The following TGFBR1 variants were observed in gnomAD, a reference collection of about 807,000 sequenced individuals.
TGFBR1 encodes transforming growth factor beta receptor 1.
Under a neutral mutation model 55.1 loss-of-function variants are expected in TGFBR1, and 20 were observed. That is an observed-to-expected ratio of 0.36 (90% CI 0.26 to 0.53). The LOEUF is 0.53. Among genes scored for constraint, TGFBR1 ranks in the 20% least tolerant of loss-of-function variants. The probability of loss-of-function intolerance (pLI) is 0.91; values close to 1 mark genes in which losing one functional copy is unlikely to be tolerated. For synonymous variants in TGFBR1, 220 were observed against 214.8 expected, an observed-to-expected ratio of 1.02 and a Z score of -0.21; for missense variants, 385 against 617.6, an observed-to-expected ratio of 0.62 and a Z score of 3.99.
intron 1 of TGFBR1, among the ~76,000 whole-genome samples, chr9:99,116,806 A>G (rs1270514993): frequency 6.6e-6 from 1 of 152,192 alleles, no homozygotes; most frequent in Admixed American, 6.5e-5. Flanking sequence ...GTTACAGTAC[A>G]TCTCAAGCCT....
At chr9:99,142,259 C>T (rs148452236) in intron 4 of TGFBR1, among the ~76,000 whole-genome samples, 19 of 152,300 alleles carry the variant, frequency 1.2e-4, no homozygotes, top group Non-Finnish European at 2.4e-4. Flanking sequence ...TACCAATTAT[C>T]TGTGAAGACT....
intron 1 of TGFBR1, among the ~76,000 whole-genome samples, chr9:99,111,295 C>CTTTTTTTTTTTTT (rs3034196): frequency 7.3e-5 from 4 of 55,152 alleles, no homozygotes; most frequent in African/African-American, 2.3e-4. Flanking sequence ...TGCACCCATG[C>CTTTTTTTTTTTTT]TTTTTTTTTT....
chr9:99,137,377 A>G (rs1429288943), intron 3 of TGFBR1, among the ~76,000 whole-genome samples: 1 of 152,162 alleles, frequency 6.6e-6, no homozygotes, highest in Non-Finnish European at 1.5e-5. Context: ...TTTCTCAGAA[A>G]TCTTTAAAGG....
chr9:99,134,375 A>G (rs1040736670), intron 3 of TGFBR1, among the ~76,000 whole-genome samples: 6 of 152,186 alleles, frequency 3.9e-5, no homozygotes, highest in Non-Finnish European at 1.5e-5. Context: ...AAGGAAGACA[A>G]TGAGAGTTTG....
rs553551438 is a variant in TGFBR1, at chr9:99,106,830, G to T, written c.97+1528G>T. On this transcript the variant is annotated intron_variant, in intron 1 of 8. Coordinates refer to ENST00000374994, the MANE Select transcript of TGFBR1 (RefSeq NM_004612.4). ...TCCTCATGATTTGAGTATCAGATAG[G>T]CTTCATTCCGACTCTTAGCACATTG... 7.2e-5 allele frequency among the ~76,000 whole-genome samples: 11 copies of T among 152,264 alleles called. No homozygotes were observed. In the South Asian group the frequency reaches 2.3e-3, roughly 32 times the overall value.
chr9:99,148,770 T>TG (rs894718114), intron 8 of TGFBR1, among the ~76,000 whole-genome samples: 1 of 151,464 alleles, frequency 6.6e-6, no homozygotes, highest in Admixed American at 6.6e-5. Flanking sequence ...AGGTCAAGGC[T>TG]GCAGTGAGCT....
chr9:99,151,744 C>G lies in TGFBR1; in HGVS notation c.*2439C>G, dbSNP rs1471012587. The stretch of plus-strand genomic sequence containing the variant: ...TTACTGCAGTTAATTCCTTTTTTGG[C>G]TAGGGATGGTTTGATAAACCACAAT... On this transcript the variant is annotated 3_prime_UTR_variant, in exon 9 of 9. Transcript: ENST00000374994. The G allele has an allele frequency of 4.5e-6, 1 of 220,298 alleles. No individual in the cohort carries two copies. The highest frequency in any genetic ancestry group is 9.1e-6 in the Non-Finnish European group (1 of 109,816). 13.6% of individuals were successfully genotyped at this position (220,298 alleles called of 1,614,324 possible).
intron 1 of TGFBR1, among the ~76,000 whole-genome samples, chr9:99,109,186 G>A (rs929910854): frequency 1.3e-5 from 2 of 152,154 alleles, no homozygotes; most frequent in Non-Finnish European, 2.9e-5. Flanking sequence ...GTGGAAGGGA[G>A]GGGGAATGAT....
intron 4 of TGFBR1, among the ~76,000 whole-genome samples, chr9:99,138,844 C>G (rs1827521241): frequency 6.6e-6 from 1 of 151,900 alleles, no homozygotes; most frequent in African/African-American, 2.4e-5. Context: ...TGTAGCCAGG[C>G]TGGAGTACAG....
intron 5 of TGFBR1, among the ~76,000 whole-genome samples, chr9:99,144,080 G>GTAGC (rs1201387373): frequency 6.6e-6 from 1 of 152,108 alleles, no homozygotes; most frequent in African/African-American, 2.4e-5. Context: ...TTTGGCCATT[G>GTAGC]TAGCTAATGC....
At chr9:99,123,232 C>CT (rs1430770683) in intron 1 of TGFBR1, among the ~76,000 whole-genome samples, 2 of 152,064 alleles carry the variant, frequency 1.3e-5, no homozygotes, top group African/African-American at 4.8e-5. Flanking sequence ...ATGTCTTAAC[C>CT]TTTCAGTCTG....
At chr9:99,104,676 T>A (rs1343747867), upstream of TGFBR1, among the ~76,000 whole-genome samples, 1 of 151,890 alleles carries the variant, frequency 6.6e-6, no homozygotes, top group Non-Finnish European at 1.5e-5. Context: ...GAGCTGTGAA[T>A]GGGGTCAGGG....
chr9:99,117,251 C>T (rs1394341620), intron 1 of TGFBR1, among the ~76,000 whole-genome samples: 2 of 92,824 alleles, frequency 2.2e-5, no homozygotes, highest in Non-Finnish European at 4.2e-5. Flanking sequence ...CCACGCCTGG[C>T]TATTTTTTTT....
chr9:99,153,507 A>G lies in TGFBR1; in HGVS notation c.*4202A>G, dbSNP rs200206515. 2.1e-3 allele frequency: 427 copies of G among 198,836 alleles called. 2 individuals are homozygous for G. Among genetic ancestry groups the G allele is most frequent in the African/African-American group, 9.0e-3 (393 of 43,578 alleles). The allele number at this position is 198,836 out of a possible 1,614,324, so 12.3% of individuals were successfully genotyped here. A position where few individuals can be genotyped will look rare whatever the true frequency, so the allele number is the denominator to read the frequency against. On this transcript the variant is annotated 3_prime_UTR_variant, in exon 9 of 9. Transcript: ENST00000374994. Reference sequence around the variant, plus strand: ...AAAAAAACATAAGCTGTGTTTCCCCATAAGTTTTTTTAAATTGTATATTGT... The same window carrying G: ...AAAAAAACATAAGCTGTGTTTCCCCGTAAGTTTTTTTAAATTGTATATTGT...
rs886063237 is a variant in TGFBR1 at position 99,151,264 on chromosome 9, G to T, written c.*1959G>T. 3 of 231,392 alleles carry T rather than the reference G, an allele frequency of 1.3e-5. No homozygotes were observed. Among genetic ancestry groups the T allele is most frequent in the Non-Finnish European group, 1.7e-5 (2 of 117,060 alleles). 14.3% of individuals were successfully genotyped at this position (231,392 alleles called of 1,614,324 possible). The stretch of plus-strand genomic sequence containing the variant: ...TGACTACAAAGTTGAGTTTTTTTCT[G>T]TAGTTACCATAATTTCATTGAAGCA... On this transcript the variant is annotated 3_prime_UTR_variant, in exon 9 of 9. Transcript: ENST00000374994.
At chr9:99,113,091 A>AT in intron 1 of TGFBR1, among the ~76,000 whole-genome samples, 1 of 152,124 alleles carries the variant, frequency 6.6e-6, no homozygotes, top group South Asian at 2.1e-4. Flanking sequence ...GGTTCATGCT[A>AT]TTTTTCCCCC....
chr9:99,137,308 C>G (rs531352955), intron 3 of TGFBR1, among the ~76,000 whole-genome samples: 17 of 152,166 alleles, frequency 1.1e-4, no homozygotes, highest in African/African-American at 3.1e-4. Context: ...GAAACTGTTA[C>G]GAGATTCATC....
intron 1 of TGFBR1, among the ~76,000 whole-genome samples, chr9:99,119,954 A>G (rs1310294529): frequency 6.6e-6 from 1 of 152,244 alleles, no homozygotes; most frequent in Admixed American, 6.5e-5. Flanking sequence ...CATCTAGACC[A>G]GAGACTGGCA....
Position 99,149,555 on chromosome 9 carries a change from TA to T in TGFBR1, c.*251del, listed in dbSNP as rs997269576. On this transcript the variant is annotated 3_prime_UTR_variant, in exon 9 of 9. Coordinates refer to ENST00000374994, the MANE Select transcript of TGFBR1 (RefSeq NM_004612.4). The stretch of plus-strand genomic sequence containing the variant: ...AAATGTGTAGTCTACCTTTATTTTT[TA>T]TTAACAAAACTTGTTTTTTAAAAAG... 4 of 459,388 alleles carry T rather than the reference TA, an allele frequency of 8.7e-6. No individual in the cohort carries two copies. The highest frequency in any genetic ancestry group is 7.8e-5 in the African/African-American group (4 of 51,294). The allele number at this position is 459,388 out of a possible 1,614,324, so 28.5% of individuals were successfully genotyped here.
Sources: gnomAD v4.1 joint callset for allele counts (sites outside exome capture counted in the v4.1 genomes callset) on GRCh38, gnomAD v4.1.1 for gene constraint, MANE v1.5 for transcripts, NCBI Gene and HGNC (gene_info 2026-07-23, HGNC 2026-07-21) for gene names.